Variants in GULP1 observed in about 807,000 individuals in gnomAD.
The protein encoded by GULP1 is GULP PTB domain containing engulfment adaptor 1, also known as PTB domain-containing engulfment adapter protein 1.
Under a neutral mutation model 40.9 loss-of-function variants are expected in GULP1, and 19 were observed. That is an observed-to-expected ratio of 0.46 (90% CI 0.32 to 0.68). The LOEUF is 0.68. Among genes scored for constraint, GULP1 ranks in the 30% least tolerant of loss-of-function variants. GULP1 has a pLI of 0.03. For synonymous variants in GULP1, 119 were observed against 117.6 expected, an observed-to-expected ratio of 1.01 and a Z score of -0.08; for missense variants, 312 against 362.2, an observed-to-expected ratio of 0.86 and a Z score of 1.12.
chr2:188,535,289 CAGAT>C (rs1317659201), intron 6 of GULP1, among the ~76,000 whole-genome samples: 1 of 151,930 alleles, frequency 6.6e-6, no homozygotes, highest in Non-Finnish European at 1.5e-5. Context: ...TTCCATCACC[CAGAT>C]AGTGAGCACA....
intron 1 of GULP1, among the ~76,000 whole-genome samples, chr2:188,339,464 C>T (rs2042691780): frequency 6.6e-6 from 1 of 152,096 alleles, no homozygotes; most frequent in Non-Finnish European, 1.5e-5. Context: ...ATCTTTTTGG[C>T]TGTCTTGGTT....
chr2:188,426,424 C>T (rs1214038929), intron 2 of GULP1, among the ~76,000 whole-genome samples: 1 of 152,176 alleles, frequency 6.6e-6, no homozygotes. Flanking sequence ...GAGACACTTA[C>T]TTCTTTCCTG....
At chr2:188,496,432 C>T (rs1221642211) in intron 4 of GULP1, among the ~76,000 whole-genome samples, 2 of 151,758 alleles carry the variant, frequency 1.3e-5, no homozygotes, top group Admixed American at 6.6e-5. Context: ...GCAAGCTTTA[C>T]CAGGAAATAA....
intron 1 of GULP1, among the ~76,000 whole-genome samples, chr2:188,304,982 A>G (rs1403999945): frequency 2.6e-5 from 4 of 152,114 alleles, no homozygotes; most frequent in Admixed American, 6.5e-5. Context: ...CTCTGGAGAT[A>G]ATGTCAGATC....
At chr2:188,585,693 G>A (rs899912997) in intron 10 of GULP1, among the ~76,000 whole-genome samples, 17 of 152,188 alleles carry the variant, frequency 1.1e-4, no homozygotes, top group Non-Finnish European at 2.5e-4. Flanking sequence ...GCACAGAGCA[G>A]CAGGGCCCTG....
At chr2:188,473,936 CCACCTGAGTATTACTGCT>C (rs752694177) in intron 2 of GULP1, among the ~76,000 whole-genome samples, 7 of 152,284 alleles carry the variant, frequency 4.6e-5, no homozygotes, top group Non-Finnish European at 8.8e-5. Context: ...TCTTGATGTA[CCACCTGAGTATTACTGCT>C]GGTTATTCAA....
intron 6 of GULP1, among the ~76,000 whole-genome samples, chr2:188,535,715 C>T (rs1250942178): frequency 6.6e-6 from 1 of 152,078 alleles, no homozygotes; most frequent in African/African-American, 2.4e-5. Flanking sequence ...TATGTATACC[C>T]AGTAACAGGG....
At chr2:188,459,927 G>A (rs1041840379) in intron 2 of GULP1, among the ~76,000 whole-genome samples, 8 of 151,864 alleles carry the variant, frequency 5.3e-5, no homozygotes, top group Admixed American at 1.3e-4. Flanking sequence ...TGTTTTTGGC[G>A]CCTTTATAGA....
intron 9 of GULP1, among the ~76,000 whole-genome samples, chr2:188,580,706 G>A (rs1176391693): frequency 6.6e-6 from 1 of 152,100 alleles, no homozygotes; most frequent in East Asian, 1.9e-4. Context: ...ACTTTACATG[G>A]CTTCCTTTTT....
At chr2:188,581,381 C>G (rs1420648219) in intron 9 of GULP1, among the ~76,000 whole-genome samples, 4 of 152,166 alleles carry the variant, frequency 2.6e-5, no homozygotes, top group African/African-American at 9.7e-5. Context: ...AGTGCCATTC[C>G]TTGGGGAAAA....
At chr2:188,512,283 T>C (rs2153205068) in intron 4 of GULP1, among the ~76,000 whole-genome samples, 1 of 152,260 alleles carries the variant, frequency 6.6e-6, no homozygotes, top group African/African-American at 2.4e-5. Flanking sequence ...ATAATGAGAA[T>C]ATTCATTGTT....
Position 188,584,392 on chromosome 2 carries a change from C to G in GULP1, c.737C>G (p.Ser246Cys). 6.3e-7 allele frequency: 1 copy of G among 1,586,586 alleles called. No homozygotes were observed. The highest frequency in any genetic ancestry group is 8.6e-7 in the Non-Finnish European group (1 of 1,160,946). ...CAGCCACCTCCAGTACCTAGTAGATCTACTGAGATTAGTAAGCTTTCTCAA... is the reference window on the plus strand; with the variant it reads ...CAGCCACCTCCAGTACCTAGTAGATGTACTGAGATTAGTAAGCTTTCTCAA... ...GTQPPPVPSRSTEIKRDLFGA... is the reference protein window; with the variant it reads ...GTQPPPVPSRCTEIKRDLFGA... The change falls in exon 10 of 12, where the codon TCT becomes TGT. Residue 246 changes from serine to cysteine, a missense_variant. Coordinates refer to ENST00000409830, the MANE Select transcript of GULP1 (RefSeq NM_016315.4).
chr2:188,370,631 G>A (rs761315043), intron 1 of GULP1, among the ~76,000 whole-genome samples: 1 of 152,304 alleles, frequency 6.6e-6, no homozygotes, highest in South Asian at 2.1e-4. Context: ...GTTGACGTCT[G>A]TAAGTATTTG....
At chr2:188,389,487 A>G (rs762778112) in intron 2 of GULP1, among the ~76,000 whole-genome samples, 14 of 152,180 alleles carry the variant, frequency 9.2e-5, no homozygotes, top group Non-Finnish European at 1.6e-4. Context: ...AAAAATGGAT[A>G]TATGTTCTTT....
At chr2:188,478,386 T>C (rs2061198236) in intron 3 of GULP1, among the ~76,000 whole-genome samples, 1 of 152,084 alleles carries the variant, frequency 6.6e-6, no homozygotes, top group Non-Finnish European at 1.5e-5. Flanking sequence ...TAACTTTGCG[T>C]AGGTCAGTGA....
At chr2:188,322,303 T>C (rs1179583499) in intron 1 of GULP1, among the ~76,000 whole-genome samples, 1 of 150,036 alleles carries the variant, frequency 6.7e-6, no homozygotes, top group East Asian at 2.0e-4. Flanking sequence ...TTTTAGAGCT[T>C]TTTTTTTTAG....
At chr2:188,578,538 A>G (rs1408867501) in intron 9 of GULP1, among the ~76,000 whole-genome samples, 1 of 151,382 alleles carries the variant, frequency 6.6e-6, no homozygotes, top group Non-Finnish European at 1.5e-5. Flanking sequence ...AGTAAAATAA[A>G]AAAAAAAAAG....
intron 2 of GULP1, among the ~76,000 whole-genome samples, chr2:188,471,632 C>A (rs1043496119): frequency 1.3e-5 from 2 of 152,226 alleles, no homozygotes; most frequent in Admixed American, 1.3e-4. Context: ...TTTGCATAAA[C>A]CAACTAACAA....
intron 2 of GULP1, among the ~76,000 whole-genome samples, chr2:188,466,290 T>C (rs895267245): frequency 4.2e-5 from 6 of 143,422 alleles, no homozygotes; most frequent in African/African-American, 5.9e-5. Flanking sequence ...CTGGTTTTTT[T>C]TTCCCCCCCC....
Sources: allele counts gnomAD v4.1 joint callset (sites outside exome capture counted in the v4.1 genomes callset), GRCh38; gene constraint gnomAD v4.1.1; transcripts MANE v1.5; gene names NCBI Gene and HGNC (gene_info 2026-07-23, HGNC 2026-07-21).